SUPT3H: variants seen among roughly 807,000 people sequenced by gnomAD.
The protein encoded by SUPT3H is transcription initiation protein SPT3 homolog.
Under a neutral mutation model 44.3 loss-of-function variants are expected in SUPT3H, and 44 were observed. That is an observed-to-expected ratio of 0.99 (90% CI 0.78 to 1.28). The LOEUF is 1.28. SUPT3H is among the 50% of genes most tolerant of loss of function. The pLI is 0.00. For missense variants in SUPT3H, 380 were observed against 387.1 expected, an observed-to-expected ratio of 0.98 and a Z score of 0.15; for synonymous variants, 124 against 125.6, an observed-to-expected ratio of 0.99 and a Z score of 0.09.
rs550555102 is a variant in SUPT3H at position 45,306,897 on chromosome 6, T to G, written c.101+58304A>C. Among the ~76,000 whole-genome samples the G allele has an allele frequency of 2.0e-5, 3 of 152,268 alleles. No homozygotes were observed. The East Asian group carries it at 5.8e-4, about 30-fold the overall frequency. On this transcript the variant is annotated intron_variant, in intron 2 of 10. Transcript: ENST00000371459. ...ATTCCCTTTCATGGCCAAGCAAAGCTGGAAAATCAGGTCACTCCCACCCTA... is the reference window on the plus strand; with the variant it reads ...ATTCCCTTTCATGGCCAAGCAAAGCGGGAAAATCAGGTCACTCCCACCCTA...
chr6:45,064,343 C>G (rs1391143861), intron 3 of SUPT3H, among the ~76,000 whole-genome samples: 2 of 146,986 alleles, frequency 1.4e-5, no homozygotes, highest in African/African-American at 5.1e-5. Context: ...TGGTACCAGC[C>G]GCTGCAAAAT....
chr6:45,037,473 C>T (rs1787849404), intron 3 of SUPT3H, among the ~76,000 whole-genome samples: 2 of 150,476 alleles, frequency 1.3e-5, no homozygotes, highest in African/African-American at 4.9e-5. Flanking sequence ...ATGGTGAAAC[C>T]CTGTCTCTAC....
At chr6:44,902,252 C>T (rs945540123) in intron 10 of SUPT3H, among the ~76,000 whole-genome samples, 5 of 152,096 alleles carry the variant, frequency 3.3e-5, no homozygotes, top group Admixed American at 2.6e-4. Context: ...AGTCATGATC[C>T]ATCAGTGTGC....
intron 6 of SUPT3H, among the ~76,000 whole-genome samples, chr6:44,977,315 T>A (rs933624234): frequency 6.6e-6 from 1 of 152,190 alleles, no homozygotes; most frequent in Admixed American, 6.5e-5. Context: ...AGAACAGCAG[T>A]ATTTTAAAGT....
chr6:45,110,230 G>A (rs1799849267), intron 2 of SUPT3H, among the ~76,000 whole-genome samples: 1 of 152,126 alleles, frequency 6.6e-6, no homozygotes, highest in Non-Finnish European at 1.5e-5. Context: ...CTTCAACCTA[G>A]GGCAACTGAC....
chr6:45,298,386 G>A (rs1035902924), intron 2 of SUPT3H, among the ~76,000 whole-genome samples: 4 of 152,148 alleles, frequency 2.6e-5, no homozygotes, highest in African/African-American at 7.2e-5. Context: ...AATGGGAGGT[G>A]TATCACAGTT....
At chr6:45,167,540 TTA>T (rs1217353076) in intron 2 of SUPT3H, among the ~76,000 whole-genome samples, 1 of 152,230 alleles carries the variant, frequency 6.6e-6, no homozygotes, top group Non-Finnish European at 1.5e-5. Flanking sequence ...TGCTTATGTG[TTA>T]TGTTTTCTGC....
At chr6:45,360,325 G>A (rs905278815) in intron 2 of SUPT3H, among the ~76,000 whole-genome samples, 1 of 152,182 alleles carries the variant, frequency 6.6e-6, no homozygotes, top group African/African-American at 2.4e-5. Context: ...GAGAGTGCCT[G>A]GTACACAGCA....
chr6:45,200,129 A>T (rs1469280226), intron 2 of SUPT3H, among the ~76,000 whole-genome samples: 1 of 151,578 alleles, frequency 6.6e-6, no homozygotes, highest in Non-Finnish European at 1.5e-5. Context: ...ATGATGAAAG[A>T]AAAACATTTA....
chr6:44,816,170 T>C (rs150951246), intron 11 of SUPT3H, among the ~76,000 whole-genome samples: 426 of 152,190 alleles, frequency 2.8e-3, no homozygotes, highest in African/African-American at 9.7e-3. Context: ...ATGTTCTGAA[T>C]TGGATGAAAA....
At chr6:45,336,337 G>A (rs906419880) in intron 2 of SUPT3H, among the ~76,000 whole-genome samples, 3 of 151,346 alleles carry the variant, frequency 2.0e-5, no homozygotes, top group African/African-American at 7.3e-5. Context: ...TAAGCATATT[G>A]CAGAATATTT....
chr6:44,911,220 G>C (rs1449491706), intron 10 of SUPT3H, among the ~76,000 whole-genome samples: 1 of 150,992 alleles, frequency 6.6e-6, no homozygotes, highest in African/African-American at 2.5e-5. Context: ...TTCTCTTTTA[G>C]TGCATCTTCT....
intron 10 of SUPT3H, among the ~76,000 whole-genome samples, chr6:44,851,917 C>G (rs1054508805): frequency 6.6e-6 from 1 of 152,022 alleles, no homozygotes; most frequent in Admixed American, 6.5e-5. Flanking sequence ...ACTTGTCAGG[C>G]CTTTTCCAGG....
intron 6 of SUPT3H, among the ~76,000 whole-genome samples, chr6:45,003,208 C>A (rs900656878): frequency 1.3e-5 from 2 of 152,208 alleles, no homozygotes; most frequent in African/African-American, 4.8e-5. Flanking sequence ...CTGGGTACTA[C>A]CCTAGCTAGT....
At chr6:44,856,448 C>T (rs1773743163) in intron 10 of SUPT3H, among the ~76,000 whole-genome samples, 1 of 152,050 alleles carries the variant, frequency 6.6e-6, no homozygotes, top group Non-Finnish European at 1.5e-5. Context: ...AAAATCAGGC[C>T]AAAAATGAAA....
intron 2 of SUPT3H, among the ~76,000 whole-genome samples, chr6:45,200,102 GA>G (rs1049080219): frequency 3.3e-5 from 5 of 151,240 alleles, no homozygotes; most frequent in African/African-American, 1.2e-4. Flanking sequence ...GTGCAATAGA[GA>G]AAAATGAAAA....
At chr6:45,082,273 C>A (rs1331974453) in intron 3 of SUPT3H, among the ~76,000 whole-genome samples, 1 of 152,032 alleles carries the variant, frequency 6.6e-6, no homozygotes, top group East Asian at 1.9e-4. Flanking sequence ...AGAGGGACTC[C>A]TCCCTAACTC....
chr6:45,169,152 C>G (rs987905366), intron 2 of SUPT3H, among the ~76,000 whole-genome samples: 1 of 152,154 alleles, frequency 6.6e-6, no homozygotes, highest in Admixed American at 6.5e-5. Context: ...GAGCTGAAAT[C>G]TAGCCCAACT....
chr6:44,886,825 A>G (rs1054871287), intron 10 of SUPT3H, among the ~76,000 whole-genome samples: 7 of 152,174 alleles, frequency 4.6e-5, no homozygotes, highest in Admixed American at 2.6e-4. Context: ...AGACTGGCAA[A>G]TTGGATAAAG....
Sources: gnomAD v4.1 joint callset for allele counts (sites outside exome capture counted in the v4.1 genomes callset) on GRCh38, gnomAD v4.1.1 for gene constraint, MANE v1.5 for transcripts, NCBI Gene and HGNC (gene_info 2026-07-23, HGNC 2026-07-21) for gene names.